MAPK10: variants seen among roughly 807,000 people sequenced by gnomAD.
MAPK10 encodes JNK3 alpha protein kinase.
MAPK10 carries 25 observed loss-of-function variants against 59.3 expected under a neutral mutation model. The ratio of observed to expected loss-of-function variants is 0.42; its 90% confidence interval spans 0.31 to 0.59. The LOEUF (loss-of-function observed/expected upper bound fraction) is 0.59. MAPK10 is among the 20% of genes least tolerant of loss of function. The pLI, the probability that MAPK10 is intolerant of heterozygous loss-of-function variation, is 0.15. For synonymous variants in MAPK10, 190 were observed against 200.5 expected (o/e 0.95, Z 0.44); for missense variants, 351 against 568.9 (o/e 0.62, Z 3.90).
chr4:86,509,316 T>C (rs10029162), intron 1 of MAPK10, among the ~76,000 whole-genome samples: 133,109 of 152,156 alleles, frequency 0.87, 58,303 homozygotes, highest in East Asian at 0.89. Flanking sequence ...TGATATTCTA[T>C]ACGGACATAA....
intron 1 of MAPK10, among the ~76,000 whole-genome samples, chr4:86,461,176 G>A (rs1314704606): frequency 6.6e-6 from 1 of 150,988 alleles, no homozygotes; most frequent in African/African-American, 2.4e-5. Flanking sequence ...AGCCAAATAT[G>A]AGTGACCAAG....
At chr4:86,315,814 T>C (rs957770377) in intron 2 of MAPK10, among the ~76,000 whole-genome samples, 2 of 152,132 alleles carry the variant, frequency 1.3e-5, no homozygotes, top group Non-Finnish European at 2.9e-5. Flanking sequence ...AAATTAGGTA[T>C]ACAGAAGTCA....
At position 86,437,944 on chromosome 4, in the gene MAPK10, T is replaced by C. The variant is rs576242810; in HGVS notation, c.-122+15086A>G. ...GAAGAAAGTGCTGCTATACACACTA[T>C]CATGATTTAATCTCATAAACATGTT... On this transcript the variant is annotated intron_variant, in intron 1 of 13. Transcript: ENST00000361569. 7.4e-4 allele frequency among the ~76,000 whole-genome samples: 112 copies of C among 152,346 alleles called. 2 individuals are homozygous for C. In the South Asian group the frequency reaches 0.022, roughly 30 times the overall value.
intron 9 of MAPK10, chr4:86,089,642 C>A: frequency 6.1e-6 from 1 of 164,060 alleles, no homozygotes; most frequent in East Asian, 1.7e-4. Context: ...TGTTAATATG[C>A]AAATCAGTTT....
intron 1 of MAPK10, among the ~76,000 whole-genome samples, chr4:86,376,739 G>A (rs888604237): frequency 2.0e-5 from 3 of 152,164 alleles, no homozygotes; most frequent in Admixed American, 2.0e-4. Flanking sequence ...CTTTCCCAAA[G>A]CTAAATCGAG....
chr4:86,396,581 A>G (rs1742976113), intron 1 of MAPK10, among the ~76,000 whole-genome samples: 1 of 152,250 alleles, frequency 6.6e-6, no homozygotes, highest in Non-Finnish European at 1.5e-5. Flanking sequence ...CTTGAGACTG[A>G]GTAATTTATA....
chr4:86,118,573 TACACATACACACACAC>T (rs1244087920), intron 4 of MAPK10, among the ~76,000 whole-genome samples: 3 of 86,762 alleles, frequency 3.5e-5, no homozygotes, highest in African/African-American at 1.2e-4. Flanking sequence ...TTTATATAAA[TACACATACACACACAC>T]ACACACACAC....
intron 2 of MAPK10, among the ~76,000 whole-genome samples, chr4:86,273,969 T>C (rs2094502406): frequency 1.3e-5 from 2 of 152,040 alleles, no homozygotes; most frequent in South Asian, 4.1e-4. Context: ...AAAATTCTTG[T>C]TTGAAAAATA....
intron 2 of MAPK10, among the ~76,000 whole-genome samples, chr4:86,291,271 T>A (rs1243887248): frequency 1.3e-5 from 2 of 152,230 alleles, no homozygotes; most frequent in Non-Finnish European, 2.9e-5. Context: ...TCTACTCTTA[T>A]GGAATTCAAT....
intron 1 of MAPK10, among the ~76,000 whole-genome samples, chr4:86,397,765 T>C (rs1359573154): frequency 6.6e-6 from 1 of 151,738 alleles, no homozygotes; most frequent in Admixed American, 6.6e-5. Context: ...TTCAAATTTA[T>C]TCTGATATCC....
At chr4:86,506,330 C>T (rs767932902) in intron 1 of MAPK10, among the ~76,000 whole-genome samples, 46 of 152,162 alleles carry the variant, frequency 3.0e-4, no homozygotes, top group Non-Finnish European at 5.1e-4. Flanking sequence ...ATCTAATGGT[C>T]AAAAATATGG....
At chr4:86,183,991 G>A (rs1351357883) in intron 3 of MAPK10, among the ~76,000 whole-genome samples, 2 of 151,974 alleles carry the variant, frequency 1.3e-5, no homozygotes. Flanking sequence ...GGGGTTGTTT[G>A]TATTTTTCTT....
chr4:86,337,259 G>A (rs1722046866), intron 2 of MAPK10, among the ~76,000 whole-genome samples: 1 of 152,092 alleles, frequency 6.6e-6, no homozygotes, highest in African/African-American at 2.4e-5. Flanking sequence ...ACCTCTACAT[G>A]GTTCAGTTTA....
chr4:86,322,596 G>A (rs183334019), intron 2 of MAPK10, among the ~76,000 whole-genome samples: 12 of 152,174 alleles, frequency 7.9e-5, no homozygotes, highest in East Asian at 1.9e-4. Context: ...TCAATTCCAC[G>A]TTTGTTTGTA....
At chr4:86,123,499 T>C (rs2059591459) in intron 4 of MAPK10, among the ~76,000 whole-genome samples, 3 of 152,160 alleles carry the variant, frequency 2.0e-5, no homozygotes, top group Middle Eastern at 6.8e-3. Context: ...GCCGTATTAA[T>C]CACGTGAAGA....
chr4:86,558,094 TA>T (rs1487150710), intron 1 of MAPK10, among the ~76,000 whole-genome samples: 1 of 152,110 alleles, frequency 6.6e-6, no homozygotes, highest in African/African-American at 2.4e-5. Context: ...AAACAAAAAG[TA>T]AATTAAAAAT....
chr4:86,060,935 A>C (rs2045640329), intron 11 of MAPK10, among the ~76,000 whole-genome samples: 1 of 152,154 alleles, frequency 6.6e-6, no homozygotes, highest in African/African-American at 2.4e-5. Flanking sequence ...ATCTTTTTCA[A>C]ATATCAAAAG....
intron 2 of MAPK10, among the ~76,000 whole-genome samples, chr4:86,243,053 G>A (rs2148692844): frequency 6.6e-6 from 1 of 152,346 alleles, no homozygotes; most frequent in Non-Finnish European, 1.5e-5. Flanking sequence ...TCCCTTGGCT[G>A]GCGGGAGGGG....
chr4:86,060,517 G>A (rs1052634006), intron 11 of MAPK10, among the ~76,000 whole-genome samples: 6 of 152,116 alleles, frequency 3.9e-5, no homozygotes, highest in African/African-American at 1.4e-4. Flanking sequence ...AGGCTTATCT[G>A]TAGCTCCACT....
Sources: gnomAD v4.1 joint callset for allele counts (sites outside exome capture counted in the v4.1 genomes callset) on GRCh38, gnomAD v4.1.1 for gene constraint, MANE v1.5 for transcripts, NCBI Gene and HGNC (gene_info 2026-07-23, HGNC 2026-07-21) for gene names.